Variants in IRAK1BP1 observed in about 807,000 individuals in gnomAD.
IRAK1BP1 encodes interleukin-1 receptor-associated kinase 1-binding protein 1.
A neutral mutation model predicts 28.0 loss-of-function variants in IRAK1BP1; 24 were observed. The ratio of observed to expected loss-of-function variants is 0.86; its 90% CI spans 0.62 to 1.20. The LOEUF (loss-of-function observed/expected upper bound fraction) is 1.20, where lower values mean the gene tolerates loss of function less well. Among genes scored for constraint, IRAK1BP1 ranks in the 50% most tolerant of loss-of-function variants. The pLI, the probability that IRAK1BP1 is intolerant of heterozygous loss-of-function variation, is 0.00. For synonymous variants in IRAK1BP1, 131 were observed against 116.3 expected (o/e 1.13, Z -0.81); for missense variants, 336 against 316.7 (o/e 1.06, Z -0.46).
intron 4 of IRAK1BP1, among the ~76,000 whole-genome samples, chr6:78,929,931 AGTT>A (rs1208967038): frequency 2.0e-4 from 6 of 29,874 alleles, no homozygotes; most frequent in Non-Finnish European, 3.7e-4. Flanking sequence ...ATTCTGACAC[AGTT>A]TTTTTTTGTT....
intron 1 of IRAK1BP1, among the ~76,000 whole-genome samples, chr6:78,868,353 G>T (rs1770665402): frequency 6.6e-6 from 1 of 152,228 alleles, no homozygotes; most frequent in Non-Finnish European, 1.5e-5. Context: ...TGCATGGAAT[G>T]GTTCTTGAGT....
At chr6:78,954,269 T>TC in the IRAK1BP1 span, among the ~76,000 whole-genome samples, 1 of 64,088 alleles carries the variant, frequency 1.6e-5, no homozygotes, top group Middle Eastern at 7.1e-3. Context: ...GCCTGGCTAA[T>TC]TTTTTTTTTT....
At chr6:78,897,025 G>A (rs1467377796) in intron 2 of IRAK1BP1, among the ~76,000 whole-genome samples, 2 of 151,918 alleles carry the variant, frequency 1.3e-5, no homozygotes, top group African/African-American at 2.4e-5. Flanking sequence ...TAAGGTGGGA[G>A]GATTGCTTGA....
At chr6:78,955,560 AT>A in the IRAK1BP1 span, 6 of 651,384 alleles carry the variant, frequency 9.2e-6, no homozygotes, top group Non-Finnish European at 5.4e-6. Flanking sequence ...CAATATGTAA[AT>A]TTTTTTATAT....
chr6:78,902,864 A>G lies in IRAK1BP1; in HGVS notation c.*4530A>G. The G allele has an allele frequency of 1.6e-6, 1 of 613,082 alleles. No individual in the cohort carries two copies. The highest frequency in any genetic ancestry group is 2.9e-6 in the Non-Finnish European group (1 of 348,218). 38.0% of individuals were successfully genotyped at this position (613,082 alleles called of 1,614,324 possible). On this transcript the variant is annotated 3_prime_UTR_variant, in exon 4 of 4. Coordinates refer to ENST00000369940, the MANE Select transcript of IRAK1BP1 (RefSeq NM_001010844.4). ...ACAAGACTGTAGTTCACAGTGGGTAATTCAAATCAGACACTGCTCTTCAAG... is the reference window on the plus strand; with the variant it reads ...ACAAGACTGTAGTTCACAGTGGGTAGTTCAAATCAGACACTGCTCTTCAAG...
chr6:78,941,059 A>T (rs1389719985), intron 4 of IRAK1BP1: 1 of 1,613,812 alleles, frequency 6.2e-7, no homozygotes, highest in African/African-American at 1.3e-5. Context: ...CTTCCTTTAC[A>T]TTATTAGTTT....
chr6:78,930,374 T>C (rs953387391), intron 4 of IRAK1BP1, among the ~76,000 whole-genome samples: 5 of 152,320 alleles, frequency 3.3e-5, no homozygotes, highest in African/African-American at 1.2e-4. Context: ...CAGTTGTTTC[T>C]TATATTTGTA....
chr6:78,900,011 C>G lies in IRAK1BP1; in HGVS notation c.*1677C>G, dbSNP rs915321340. The G allele has an allele frequency of 6.6e-6, 1 of 151,986 alleles. No homozygotes were observed. The highest frequency in any genetic ancestry group is 6.6e-5 in the Admixed American group (1 of 15,260). The allele number at this position is 151,986 out of a possible 1,614,324, so 9.4% of individuals were successfully genotyped here. A position where few individuals can be genotyped will look rare whatever the true frequency, so the allele number is the denominator to read the frequency against. The stretch of plus-strand genomic sequence containing the variant: ...CAGTTGAAAAAAAGAGATTCACATA[C>G]CCAGGTTGTTCTAGCATGCCTAAAA... On this transcript the variant is annotated 3_prime_UTR_variant, in exon 4 of 4. Transcript: ENST00000369940.
At position 78,900,609 on chromosome 6, in the gene IRAK1BP1, C is replaced by G. The variant is rs1194538950; in HGVS notation, c.*2275C>G. The stretch of plus-strand genomic sequence containing the variant: ...GTCTGTCTTGTTCACAGTTGTGTTC[C>G]CAGCCCCAGAGGTAGTCTCAGGGCC... On this transcript the variant is annotated 3_prime_UTR_variant, in exon 4 of 4. Transcript: ENST00000369940. 6.6e-6 allele frequency: 1 copy of G among 152,116 alleles called. No homozygotes were observed. The highest frequency in any genetic ancestry group is 1.5e-5 in the Non-Finnish European group (1 of 68,038). The allele number at this position is 152,116 out of a possible 1,614,324, so 9.4% of individuals were successfully genotyped here.
chr6:78,869,507 C>T (rs1461470221), intron 1 of IRAK1BP1, among the ~76,000 whole-genome samples: 1 of 152,128 alleles, frequency 6.6e-6, no homozygotes, highest in Non-Finnish European at 1.5e-5. Context: ...GTGACAGAGA[C>T]TCTGTCTCAA....
downstream of IRAK1BP1, among the ~76,000 whole-genome samples, chr6:78,907,701 A>G (rs1249666888): frequency 2.0e-5 from 3 of 152,086 alleles, no homozygotes; most frequent in Admixed American, 6.6e-5. Context: ...TAACTGAGAT[A>G]ACACTTGTTT....
chr6:78,879,043 G>A (rs186999595), intron 1 of IRAK1BP1, among the ~76,000 whole-genome samples: 1 of 152,276 alleles, frequency 6.6e-6, no homozygotes, highest in Non-Finnish European at 1.5e-5. Context: ...AAGTGACGGG[G>A]AGAATGGAAC....
intron 4 of IRAK1BP1, chr6:78,939,190 T>G (rs778058153): frequency 1.3e-5 from 2 of 151,848 alleles, no homozygotes; most frequent in Non-Finnish European, 3.0e-5. Context: ...CTGCTTTCCT[T>G]TTCCATAGCA....
chr6:78,920,522 C>G (rs1294817958), intron 4 of IRAK1BP1, among the ~76,000 whole-genome samples: 1 of 152,150 alleles, frequency 6.6e-6, no homozygotes, highest in Non-Finnish European at 1.5e-5. Context: ...ATGAAAATAA[C>G]AAGCAATGGT....
chr6:78,867,619 C>G lies in IRAK1BP1; in HGVS notation c.43C>G (p.Leu15Val). The G allele has an allele frequency of 6.2e-7, 1 of 1,614,220 alleles. No homozygotes were observed. The highest frequency in any genetic ancestry group is 8.5e-7 in the Non-Finnish European group (1 of 1,180,034). The change falls in exon 1 of 4, where the codon CTG becomes GTG. Residue 15 changes from leucine (L) to valine (V), a missense_variant. Transcript: ENST00000369940. ...KTPPTRVFVE[L>V]VPWADRSREN... is the part of the protein sequence containing the mutation. ...CCCTCCGACCCGAGTGTTCGTGGAA[C>G]TGGTTCCCTGGGCTGACCGGAGCCG...
At position 78,891,424 on chromosome 6, in the gene IRAK1BP1, T is replaced by G. The variant is rs191965063; in HGVS notation, c.381+5981T>G. Among the ~76,000 whole-genome samples, 58 of 152,304 alleles carry G rather than the reference T, an allele frequency of 3.8e-4. 1 individual carries two copies. The highest frequency in any genetic ancestry group is 3.4e-3 in the Admixed American group (52 of 15,280). ...CCTATACCAGTACTCTTTCCACTTT[T>G]TATGTTATTTTCATGTTATAACCTT... On this transcript the variant is annotated intron_variant, in intron 2 of 3. Transcript: ENST00000369940.
chr6:78,962,626 T>G, the IRAK1BP1 span, among the ~76,000 whole-genome samples: 1 of 152,174 alleles, frequency 6.6e-6, no homozygotes, highest in Admixed American at 6.5e-5. Context: ...GATAATCAAG[T>G]TTTGTGGTCA....
At chr6:78,932,659 T>G (rs1322536361) in intron 4 of IRAK1BP1, among the ~76,000 whole-genome samples, 1 of 152,100 alleles carries the variant, frequency 6.6e-6, no homozygotes, top group Non-Finnish European at 1.5e-5. Context: ...CCTCAGGTGA[T>G]CCACCCACCT....
chr6:78,907,458 A>G (rs1377064555), downstream of IRAK1BP1, among the ~76,000 whole-genome samples: 4 of 152,152 alleles, frequency 2.6e-5, no homozygotes, highest in African/African-American at 4.8e-5. Flanking sequence ...ATTTGTGATG[A>G]AAATAAAGAG....
Sources: gnomAD v4.1 joint callset for allele counts (sites outside exome capture counted in the v4.1 genomes callset) on GRCh38, gnomAD v4.1.1 for gene constraint, MANE v1.5 for transcripts, NCBI Gene and HGNC (gene_info 2026-07-23, HGNC 2026-07-21) for gene names.